PSD2: variants seen among roughly 807,000 people sequenced by gnomAD.
PSD2 encodes PH and SEC7 domain-containing protein 2.
Under a neutral mutation model 69.8 loss-of-function variants are expected in PSD2, and 38 were observed. The ratio of observed to expected loss-of-function variants is 0.54; its 90% confidence interval spans 0.42 to 0.71. PSD2 has a LOEUF of 0.71. PSD2 is among the 30% of genes least tolerant of loss of function. The pLI is 0.00. For missense variants in PSD2, 943 were observed against 1,014.5 expected (o/e 0.93, Z 0.96); for synonymous variants, 412 against 423.0 (o/e 0.97, Z 0.32).
chr5:139,776,463 G>A, the PSD2 span, among the ~76,000 whole-genome samples: 1 of 152,200 alleles, frequency 6.6e-6, no homozygotes, highest in African/African-American at 2.4e-5. Flanking sequence ...AGGGGCTGAG[G>A]CTTTGTTTGT....
the PSD2 span, among the ~76,000 whole-genome samples, chr5:139,755,851 C>T: frequency 2.0e-5 from 3 of 151,826 alleles, no homozygotes; most frequent in Admixed American, 6.6e-5. Context: ...GGACTAGCGT[C>T]GGCACAAAAT....
chr5:139,809,331 T>C (rs1581714989), intron 1 of PSD2, 60 bp from the exon 2 acceptor site: 2 of 1,341,882 alleles, frequency 1.5e-6, no homozygotes, highest in East Asian at 5.0e-5. Context: ...TGCTGGACTT[T>C]AGGTGCCCCC....
chr5:139,776,090 C>T, the PSD2 span, among the ~76,000 whole-genome samples: 1 of 152,214 alleles, frequency 6.6e-6, no homozygotes. Flanking sequence ...CAGATATATA[C>T]CCCATCACCA....
At chr5:139,833,447 A>G (rs537890143) in intron 7 of PSD2, among the ~76,000 whole-genome samples, 60 of 152,112 alleles carry the variant, frequency 3.9e-4, no homozygotes, top group African/African-American at 1.4e-3. Context: ...AGCTCTTACA[A>G]CTCTTCATCC....
intron 8 of PSD2, among the ~76,000 whole-genome samples, chr5:139,834,221 G>A (rs1175208924): frequency 6.6e-6 from 1 of 152,114 alleles, no homozygotes; most frequent in Non-Finnish European, 1.5e-5. Flanking sequence ...AGCCTTTCTA[G>A]TCTGGTCATT....
intron 2 of PSD2, among the ~76,000 whole-genome samples, chr5:139,811,448 G>C (rs1043964981): frequency 3.9e-5 from 6 of 152,180 alleles, no homozygotes; most frequent in Admixed American, 2.0e-4. Flanking sequence ...GAGCCTCAGG[G>C]GAGGCTGATG....
chr5:139,835,069 T>A (rs1295056769), intron 8 of PSD2, among the ~76,000 whole-genome samples: 2 of 150,600 alleles, frequency 1.3e-5, no homozygotes, highest in East Asian at 3.9e-4. Flanking sequence ...TCAACAAACT[T>A]CTCCACATCT....
At chr5:139,759,428 G>C in the PSD2 span, among the ~76,000 whole-genome samples, 1 of 152,092 alleles carries the variant, frequency 6.6e-6, no homozygotes, top group African/African-American at 2.4e-5. Flanking sequence ...CACCCGTGTC[G>C]GGACGCACCG....
chr5:139,765,495 A>G, the PSD2 span, among the ~76,000 whole-genome samples: 1 of 152,126 alleles, frequency 6.6e-6, no homozygotes, highest in Non-Finnish European at 1.5e-5. Context: ...AACCACTACA[A>G]TCTCGTTCTG....
At chr5:139,772,144 G>A in the PSD2 span, among the ~76,000 whole-genome samples, 3 of 152,172 alleles carry the variant, frequency 2.0e-5, no homozygotes, top group South Asian at 4.1e-4. Flanking sequence ...GGGAGTGGGA[G>A]TGGAAGGGCA....
At chr5:139,824,636 A>C (rs911366725) in intron 7 of PSD2, among the ~76,000 whole-genome samples, 10 of 152,108 alleles carry the variant, frequency 6.6e-5, no homozygotes, top group Non-Finnish European at 1.0e-4. Flanking sequence ...GCAGGCTCTG[A>C]GGCTGTGTTC....
At chr5:139,773,902 A>G in the PSD2 span, among the ~76,000 whole-genome samples, 1 of 152,020 alleles carries the variant, frequency 6.6e-6, no homozygotes, top group Admixed American at 6.6e-5. Context: ...ACTATTTTGC[A>G]TACTGGCTGA....
Position 139,809,371 on chromosome 5 carries a change from C to T in PSD2, c.-50-20C>T. On this transcript the variant is annotated intron_variant, in intron 1 of 14. Coordinates refer to ENST00000274710, the MANE Select transcript of PSD2 (RefSeq NM_032289.4). Reference sequence around the variant, plus strand: ...CCCAGTCCTGTCTGACCAGTTCTTCCTCTCTCCACCCACTGCCAGGTCTAG... The same window carrying T: ...CCCAGTCCTGTCTGACCAGTTCTTCTTCTCTCCACCCACTGCCAGGTCTAG... The T allele has an allele frequency of 6.5e-7, 1 of 1,537,490 alleles. No homozygotes were observed. Among genetic ancestry groups the T allele is most frequent in the South Asian group, 1.2e-5 (1 of 80,308 alleles).
chr5:139,766,833 T>TCTC, the PSD2 span, among the ~76,000 whole-genome samples: 31 of 46,424 alleles, frequency 6.7e-4, 1 homozygote, highest in South Asian at 8.2e-3. Flanking sequence ...CCTTCCTTCT[T>TCTC]TCTTTCTTTC....
the PSD2 span, among the ~76,000 whole-genome samples, chr5:139,767,351 A>C: frequency 1.5e-3 from 226 of 147,618 alleles, no homozygotes; most frequent in African/African-American, 5.5e-3. Context: ...ATCCCACTCT[A>C]TTGCCCAGGC....
At chr5:139,832,271 A>G (rs1016596656) in intron 7 of PSD2, among the ~76,000 whole-genome samples, 20 of 152,244 alleles carry the variant, frequency 1.3e-4, no homozygotes, top group African/African-American at 4.8e-4. Context: ...TTGCAAATGT[A>G]CACACACAGC....
rs1432586309 is a variant in PSD2, at chr5:139,814,662, C to T, written c.1016+298C>T. On this transcript the variant is annotated intron_variant, in intron 4 of 14. Coordinates refer to ENST00000274710, the MANE Select transcript of PSD2 (RefSeq NM_032289.4). The surrounding 1 kb of genome is among the most constrained non-coding windows in gnomAD (Gnocchi z 4.4). ...TATGGGGCCACGATGGATGTGAGGA[C>T]AGAGAAGCCAGCAGGAGCTGGGCCC... is the stretch of plus-strand genomic sequence containing the variant. Among the ~76,000 whole-genome samples the T allele has an allele frequency of 6.6e-6, 1 of 152,036 alleles. No individual in the cohort carries two copies. The highest frequency in any genetic ancestry group is 1.5e-5 in the Non-Finnish European group (1 of 68,008).
At chr5:139,765,636 G>C in the PSD2 span, among the ~76,000 whole-genome samples, 1 of 152,256 alleles carries the variant, frequency 6.6e-6, no homozygotes, top group Non-Finnish European at 1.5e-5. Flanking sequence ...GGCCAGGAGG[G>C]GGAGAGAGCG....
the PSD2 span, among the ~76,000 whole-genome samples, chr5:139,774,790 C>G: frequency 6.6e-6 from 1 of 152,176 alleles, no homozygotes; most frequent in Non-Finnish European, 1.5e-5. Flanking sequence ...GCGCCCGGCC[C>G]CGGGAAAGGC....
Sources: gnomAD v4.1 joint callset for allele counts (sites outside exome capture counted in the v4.1 genomes callset) on GRCh38, gnomAD v4.1.1 for gene constraint, Gnocchi (gnomAD v3.1) non-coding constraint, MANE v1.5 for transcripts, NCBI Gene and HGNC (gene_info 2026-07-23, HGNC 2026-07-21) for gene names.